FGFR1: variants seen among roughly 807,000 people sequenced by gnomAD.
FGFR1 encodes FGFR1/PLAG1 fusion.
In FGFR1, 18 loss-of-function variants were observed where a neutral mutation model predicts 93.7. The ratio of observed to expected loss-of-function variants is 0.19; its 90% confidence interval spans 0.13 to 0.28. The LOEUF is 0.28. Among genes scored for constraint, FGFR1 ranks in the 10% least tolerant of loss-of-function variants. FGFR1 has a pLI of 1.00. For missense variants in FGFR1, 731 were observed against 1,080.4 expected (o/e 0.68, Z 4.53); for synonymous variants, 448 against 429.3 (o/e 1.04, Z -0.54).
chr8:38,424,431 G>A lies in FGFR1; in HGVS notation c.936+78C>T, dbSNP rs772656596. 2.9e-5 allele frequency: 45 copies of A among 1,535,650 alleles called. No individual in the cohort carries two copies. The highest frequency in any genetic ancestry group is 4.0e-5 in the Non-Finnish European group (44 of 1,109,428). On this transcript the variant is annotated intron_variant, in intron 7 of 17. Coordinates refer to ENST00000447712, the MANE Select transcript of FGFR1 (RefSeq NM_023110.3). The surrounding 1 kb of genome is among the most constrained non-coding windows in gnomAD (Gnocchi z 4.3). The stretch of plus-strand genomic sequence containing the variant: ...ATCCCATTCGGGGGCAACTGAGCCT[G>A]CCCACAGGAACTTGAGCCCCCGAGA...
At chr8:38,417,252 C>A (rs2150621538) in intron 12 of FGFR1, 54 bp downstream of exon 12, 3 of 1,407,164 alleles carry the variant, frequency 2.1e-6, no homozygotes, top group South Asian at 2.3e-5. Context: ...ACTGATACCC[C>A]AGCTCAGATC....
In FGFR1 at chr8:38,411,636, T is replaced by A. The variant is rs962901340; in HGVS notation, c.*1992A>T. Reference sequence around the variant, plus strand: ...AACTTTCTTTTGTATTTAGCAGTAATCCAGCAAAATATAAGCTTTAATATA... The same window carrying A: ...AACTTTCTTTTGTATTTAGCAGTAAACCAGCAAAATATAAGCTTTAATATA... On this transcript the variant is annotated 3_prime_UTR_variant, in exon 18 of 18. Transcript: ENST00000447712. 7 of 229,398 alleles carry A rather than the reference T, an allele frequency of 3.1e-5. No individual in the cohort carries two copies. Among genetic ancestry groups the A allele is most frequent in the African/African-American group, 1.6e-4 (7 of 45,112 alleles). The allele number at this position is 229,398 out of a possible 1,614,324, so 14.2% of individuals were successfully genotyped here. A position where few individuals can be genotyped will look rare whatever the true frequency, so the allele number is the denominator to read the frequency against.
chr8:38,440,939 AGTTTT>A (rs1254980279), intron 2 of FGFR1, among the ~76,000 whole-genome samples: 1 of 152,068 alleles, frequency 6.6e-6, no homozygotes, highest in African/African-American at 2.4e-5. Flanking sequence ...TGGGGCCCAG[AGTTTT>A]GTTTTGTTTT....
rs1814371888 is a variant in FGFR1 at position 38,411,354 on chromosome 8, T to C, written c.*2274A>G. The C allele has an allele frequency of 1.4e-5, 3 of 217,776 alleles. No individual in the cohort carries two copies. The highest frequency in any genetic ancestry group is 1.8e-5 in the Non-Finnish European group (2 of 108,412). The allele number at this position is 217,776 out of a possible 1,614,324, so 13.5% of individuals were successfully genotyped here. A position where few individuals can be genotyped will look rare whatever the true frequency, so the allele number is the denominator to read the frequency against. On this transcript the variant is annotated 3_prime_UTR_variant, in exon 18 of 18. Coordinates refer to ENST00000447712, the MANE Select transcript of FGFR1 (RefSeq NM_023110.3). ...GGGCCAAGGCAGAAATTATCATCAC[T>C]GTTTTACAAGGAAAGACACTCCTGT...
intron 1 of FGFR1, chr8:38,466,032 C>T (rs1160472636): frequency 8.7e-6 from 2 of 230,728 alleles, no homozygotes; most frequent in East Asian, 6.1e-5. Context: ...CCCCACCCTC[C>T]CGGCAACTTT....
chr8:38,459,280 T>G (rs1179769966), intron 1 of FGFR1, among the ~76,000 whole-genome samples: 1 of 152,120 alleles, frequency 6.6e-6, no homozygotes, highest in Non-Finnish European at 1.5e-5. Context: ...ATGTGGTACT[T>G]CAGCCCTGCC....
At chr8:38,442,929 C>T (rs565328342) in intron 2 of FGFR1, among the ~76,000 whole-genome samples, 1 of 152,344 alleles carries the variant, frequency 6.6e-6, no homozygotes, top group Admixed American at 6.5e-5. Context: ...AATGGTGGGG[C>T]TGGGTCACCA....
At chr8:38,417,813 T>G (rs1433909858) in intron 11 of FGFR1, 57 bp downstream of exon 11, 2 of 1,613,762 alleles carry the variant, frequency 1.2e-6, no homozygotes, top group Admixed American at 3.3e-5. Flanking sequence ...GCCCGAGGCC[T>G]GCTGTTTGCT....
At chr8:38,441,901 G>A (rs6983315) in intron 2 of FGFR1, among the ~76,000 whole-genome samples, 65,671 of 151,946 alleles carry the variant, frequency 0.43, 14,433 homozygotes, top group East Asian at 0.61. Context: ...TGAAAAATGA[G>A]AGGCTCAACT....
At chr8:38,435,311 G>C (rs1824929966) in intron 2 of FGFR1, 1 of 152,210 alleles carries the variant, frequency 6.6e-6, no homozygotes, top group Admixed American at 6.5e-5. Flanking sequence ...GTCCAGAACT[G>C]AATCTAGCAT....
intron 15 of FGFR1, 96 bp from the exon 16 acceptor site, chr8:38,414,385 T>C: frequency 1.3e-6 from 2 of 1,590,582 alleles, no homozygotes; most frequent in Non-Finnish European, 8.6e-7. Context: ...GGAGACAGCA[T>C]GGAGAACAGA....
At chr8:38,433,731 T>G (rs887920812) in intron 2 of FGFR1, among the ~76,000 whole-genome samples, 1 of 152,238 alleles carries the variant, frequency 6.6e-6, no homozygotes, top group African/African-American at 2.4e-5. Context: ...AAATTCACAC[T>G]CAATTACATT....
At chr8:38,466,965 C>T (rs1835700851) in intron 1 of FGFR1, among the ~76,000 whole-genome samples, 1 of 151,188 alleles carries the variant, frequency 6.6e-6, no homozygotes, top group South Asian at 2.1e-4. Context: ...TATGAACCCC[C>T]ATCTACAAGG....
intron 2 of FGFR1, among the ~76,000 whole-genome samples, chr8:38,447,134 C>T (rs1420638823): frequency 1.3e-5 from 2 of 150,330 alleles, no homozygotes; most frequent in Non-Finnish European, 3.0e-5. Flanking sequence ...CACACACACA[C>T]ACACACACAC....
intron 1 of FGFR1, chr8:38,465,628 C>T (rs1033756018): frequency 1.6e-4 from 37 of 224,424 alleles, no homozygotes; most frequent in African/African-American, 8.0e-4. Context: ...CAAAGACGGC[C>T]GGCAATAGCA....
chr8:38,457,094 C>T (rs1434452290), intron 2 of FGFR1, among the ~76,000 whole-genome samples: 1 of 152,118 alleles, frequency 6.6e-6, no homozygotes, highest in African/African-American at 2.4e-5. Context: ...CATAAATTAC[C>T]CCCCACAAAC....
rs1268077859 is a variant in FGFR1, at chr8:38,461,352, T to A, written c.-88-3818A>T. 7.2e-6 allele frequency: 4 copies of A among 552,668 alleles called. No individual in the cohort carries two copies. The South Asian group carries it at 9.4e-5, about 13-fold the overall frequency. The allele number at this position is 552,668 out of a possible 1,614,324, so 34.2% of individuals were successfully genotyped here. ...CATGGCCAAATCTTTTTATTCTTTC[T>A]GAGACAGAGTGTTGCTCTGTCACCC... On this transcript the variant is annotated intron_variant, in intron 1 of 17. Coordinates refer to ENST00000447712, the MANE Select transcript of FGFR1 (RefSeq NM_023110.3).
At position 38,415,852 on chromosome 8, in the gene FGFR1, A is replaced by C; in HGVS notation, c.1854+18T>G. 6.2e-7 allele frequency: 1 copy of C among 1,612,272 alleles called. No homozygotes were observed. The highest frequency in any genetic ancestry group is 8.5e-7 in the Non-Finnish European group (1 of 1,179,404). ...TTCCCACCCTGGCATTACCCAGGGG[A>C]GCCTTCAGGTTCCACACCTTCTTGG... On this transcript the variant is annotated intron_variant, in intron 13 of 17. Coordinates refer to ENST00000447712, the MANE Select transcript of FGFR1 (RefSeq NM_023110.3).
chr8:38,425,151 T>A (rs1014476793), intron 6 of FGFR1, among the ~76,000 whole-genome samples: 13 of 152,028 alleles, frequency 8.6e-5, no homozygotes, highest in Non-Finnish European at 7.4e-5. Context: ...TTACCTTTTT[T>A]TTTTTTAAAG....
Sources: allele counts gnomAD v4.1 joint callset (sites outside exome capture counted in the v4.1 genomes callset), GRCh38; gene constraint gnomAD v4.1.1; non-coding constraint Gnocchi (gnomAD v3.1); transcripts MANE v1.5; gene names NCBI Gene and HGNC (gene_info 2026-07-23, HGNC 2026-07-21).